Variants in MBTPS2 observed in about 807,000 individuals in gnomAD.
The protein encoded by MBTPS2 is membrane-bound transcription factor site-2 protease.
Under a neutral mutation model 35.4 loss-of-function variants are expected in MBTPS2, and 2 were observed. The observed-to-expected ratio is 0.06, with a 90% CI of 0.02 to 0.18. The LOEUF (loss-of-function observed/expected upper bound fraction) is 0.18, where lower values mean the gene tolerates loss of function less well. Among genes scored for constraint, MBTPS2 ranks in the 10% least tolerant of loss-of-function variants. MBTPS2 has a pLI of 1.00. For missense variants in MBTPS2, 244 were observed against 386.5 expected, an observed-to-expected ratio of 0.63 and a Z score of 3.09; for synonymous variants, 125 against 140.4, an observed-to-expected ratio of 0.89 and a Z score of 0.77.
rs1349049487 is a variant in MBTPS2 at position 21,882,866 on chromosome X, A to G, written c.*211A>G. On this transcript the variant is annotated 3_prime_UTR_variant, in exon 11 of 11. Transcript: ENST00000379484. ...GAAATGAAAGGCATAGTCCCTGACT[A>G]TATTCTAATTTAGGACTGAATGTAC... 5 of 1,072,469 alleles carry G rather than the reference A, an allele frequency of 4.7e-6. No individual in the cohort carries two copies. The Admixed American group carries it at 1.5e-4, about 31-fold the overall frequency. The allele number at this position is 1,072,469 out of a possible 1,213,427, so 88.4% of individuals were successfully genotyped here. A position where few individuals can be genotyped will look rare whatever the true frequency, so the allele number is the denominator to read the frequency against.
chrX:21,855,959 T>C (rs934955543), intron 5 of MBTPS2: 1 of 115,070 alleles, frequency 8.7e-6, no homozygotes, highest in African/African-American at 3.2e-5. Context: ...TATCAACTAT[T>C]ACTGATATTA....
chrX:21,866,042 T>A (rs2092939301), intron 5 of MBTPS2, among the ~76,000 whole-genome samples: 1 of 111,377 alleles, frequency 9.0e-6, no homozygotes, highest in South Asian at 3.8e-4. Flanking sequence ...TGGTCTCAAG[T>A]GATCTGCCCA....
At chrX:21,856,226 CG>C in intron 5 of MBTPS2, 1 of 372,266 alleles carries the variant, frequency 2.7e-6, no homozygotes, top group Non-Finnish European at 4.6e-6. Context: ...TAGGCGCATG[CG>C]TCTGGCTATC....
At chrX:21,856,474 A>C in intron 5 of MBTPS2, 1 of 1,198,905 alleles carries the variant, frequency 8.3e-7, no homozygotes, top group Non-Finnish European at 1.1e-6. Context: ...TAACCTAACT[A>C]ACTCTCAGCC....
rs1234508757 is a variant in MBTPS2 at position 21,883,655 on chromosome X, G to A, written c.*1000G>A. The A allele has an allele frequency of 1.5e-5, 11 of 752,069 alleles. No homozygotes were observed. In the East Asian group the frequency reaches 6.1e-4, roughly 42 times the overall value. The allele number at this position is 752,069 out of a possible 1,213,427, so 62.0% of individuals were successfully genotyped here. On this transcript the variant is annotated 3_prime_UTR_variant, in exon 11 of 11. Transcript: ENST00000379484. Reference sequence around the variant, plus strand: ...TGAGCCATACTCTGTCCTCACCAGCGGCTCCCATGTTTTTCTGTGTCAGGT... The same window carrying A: ...TGAGCCATACTCTGTCCTCACCAGCAGCTCCCATGTTTTTCTGTGTCAGGT...
At chrX:21,878,784 A>G (rs761173717) in intron 9 of MBTPS2, 92 bp downstream of exon 9, 3 of 614,398 alleles carry the variant, frequency 4.9e-6, no homozygotes, top group African/African-American at 2.3e-5. Context: ...GAATTAATAC[A>G]TTTATTATAA....
At chrX:21,845,149 TG>T in intron 2 of MBTPS2, 21 bp from the exon 3 acceptor site, 1 of 1,210,190 alleles carries the variant, frequency 8.3e-7, no homozygotes, top group Non-Finnish European at 1.1e-6. Context: ...TAAATTAACA[TG>T]ATTTTTTTCC....
intron 7 of MBTPS2, among the ~76,000 whole-genome samples, chrX:21,877,567 G>A (rs2092954529): frequency 8.9e-6 from 1 of 111,751 alleles, no homozygotes; most frequent in African/African-American, 3.3e-5. Flanking sequence ...GGTTCTCTAG[G>A]GGGAGCCCCA....
At position 21,884,627 on chromosome X, in the gene MBTPS2, C is replaced by T; in HGVS notation, c.*1972C>T. On this transcript the variant is annotated 3_prime_UTR_variant, in exon 11 of 11. Transcript: ENST00000379484. ...TCAGTACCATTTGTATAAAACCGGC[C>T]TCATTATGTAAGAAAGAAAATGTTA... 6.6e-6 allele frequency: 5 copies of T among 753,665 alleles called. No individual in the cohort carries two copies. The highest frequency in any genetic ancestry group is 7.8e-6 in the Non-Finnish European group (5 of 638,965). 62.1% of individuals were successfully genotyped at this position (753,665 alleles called of 1,213,427 possible). A position where few individuals can be genotyped will look rare whatever the true frequency, so the allele number is the denominator to read the frequency against.
chrX:21,883,224 GA>G lies in MBTPS2; in HGVS notation c.*574del, dbSNP rs2092961222. The G allele has an allele frequency of 2.0e-5, 15 of 756,072 alleles. No homozygotes were observed. In the South Asian group the frequency reaches 1.0e-3, roughly 50 times the overall value. The allele number at this position is 756,072 out of a possible 1,213,427, so 62.3% of individuals were successfully genotyped here. On this transcript the variant is annotated 3_prime_UTR_variant, in exon 11 of 11. Transcript: ENST00000379484. ...TAGAAGAATCTGCTGACGTGAAAGG[GA>G]AAAATCTTTGTCAAATGATACCAAA...
rs1029689559 is a variant in MBTPS2 at position 21,873,471 on chromosome X, G to T, written c.970+3793G>T. Among the ~76,000 whole-genome samples, 8 of 111,998 alleles carry T rather than the reference G, an allele frequency of 7.1e-5. No individual in the cohort carries two copies. The East Asian group carries it at 2.2e-3, about 31-fold the overall frequency. On this transcript the variant is annotated intron_variant, in intron 7 of 10. Coordinates refer to ENST00000379484, the MANE Select transcript of MBTPS2 (RefSeq NM_015884.4). ...ATTTTCACTCTTTATTTTGAGGGAGGCACTCCTTATTTCATATATGCATAA... is the reference window on the plus strand; with the variant it reads ...ATTTTCACTCTTTATTTTGAGGGAGTCACTCCTTATTTCATATATGCATAA...
intron 5 of MBTPS2, chrX:21,857,833 A>C: frequency 3.0e-6 from 1 of 337,250 alleles, no homozygotes. Flanking sequence ...CTTGTTCTGT[A>C]ACTATTTTTG....
At chrX:21,866,653 A>G (rs749770401) in intron 5 of MBTPS2, among the ~76,000 whole-genome samples, 1 of 111,819 alleles carries the variant, frequency 8.9e-6, no homozygotes, top group South Asian at 3.8e-4. Flanking sequence ...ATTTCAGTAA[A>G]CAGATGTCGT....
In MBTPS2 at chrX:21,868,502, A is replaced by G. The variant is rs369520528; in HGVS notation, c.706A>G (p.Ile236Val). 89 of 1,207,190 alleles carry G rather than the reference A, an allele frequency of 7.4e-5. No individual in the cohort carries two copies. The Middle Eastern group carries it at 3.2e-3, about 44-fold the overall frequency. ...TAATTTTGTCCTTGCACTCTTGGGT[A>G]TTTTAGCTCTTGTTCTCCTCCCAGT... ...WHNFVLALLGILALVLLPVIL... is the reference protein window; with the variant it reads ...WHNFVLALLGVLALVLLPVIL... Residue 236 changes from isoleucine (I) to valine (V), a missense_variant, in exon 6 of 11, where the codon ATT becomes GTT. Ile to Val is a conservative substitution (Grantham distance 29, BLOSUM62 3). Transcript: ENST00000379484.
intron 5 of MBTPS2, among the ~76,000 whole-genome samples, chrX:21,867,783 C>T (rs757631886): frequency 2.7e-5 from 3 of 109,779 alleles, no homozygotes; most frequent in Admixed American, 1.9e-4. Context: ...GGACTACAGA[C>T]GCGCGCCACC....
intron 3 of MBTPS2, 128 bp downstream of exon 3, chrX:21,845,512 T>G: frequency 1.6e-6 from 1 of 627,946 alleles, no homozygotes; most frequent in Non-Finnish European, 2.3e-6. Context: ...ATTTTCAAAT[T>G]ACCTGCTTAC....
chrX:21,877,766 T>C (rs1276155664), intron 7 of MBTPS2, among the ~76,000 whole-genome samples: 1 of 111,850 alleles, frequency 8.9e-6, no homozygotes, highest in Non-Finnish European at 1.9e-5. Context: ...TTGTGAAACC[T>C]ACTGAGACAC....
intron 5 of MBTPS2, among the ~76,000 whole-genome samples, chrX:21,854,723 A>G (rs1020097626): frequency 3.6e-5 from 4 of 112,301 alleles, no homozygotes; most frequent in Non-Finnish European, 7.5e-5. Flanking sequence ...TACATGGCAG[A>G]TAAGTATAAA....
In MBTPS2 at chrX:21,845,285, T is replaced by TTCTTCCTCCTCTTCTTCC. The variant is rs762761040; in HGVS notation, c.366_383dup (p.Ser131_Ser136dup). The TTCTTCCTCCTCTTCTTCC allele has an allele frequency of 4.9e-5, 59 of 1,203,731 alleles. No homozygotes were observed. Among genetic ancestry groups the TTCTTCCTCCTCTTCTTCC allele is most frequent in the African/African-American group, 8.8e-5 (5 of 57,066 alleles). The stretch of plus-strand genomic sequence containing the variant: ...TGATGGCTGACTCTCCCTCTTCTTA[T>TTCTTCCTCCTCTTCTTCC]TCTTCCTCCTCTTCTTCCTCTTCCT... On this transcript the variant is annotated inframe_insertion, in exon 3 of 11. Transcript: ENST00000379484.
Sources: gnomAD v4.1 joint callset for allele counts (sites outside exome capture counted in the v4.1 genomes callset) on GRCh38, gnomAD v4.1.1 for gene constraint, MANE v1.5 for transcripts, NCBI Gene and HGNC (gene_info 2026-07-23, HGNC 2026-07-21) for gene names.